The following GRIK2 variants were observed in gnomAD, a reference collection of about 807,000 sequenced individuals.
GRIK2 encodes the protein glutamate ionotropic receptor kainate type subunit 2.
GRIK2 carries 32 observed loss-of-function variants against 100.3 expected under a neutral mutation model. The observed-to-expected ratio is 0.32, with a 90% CI of 0.24 to 0.43. The LOEUF is 0.43. Among genes scored for constraint, GRIK2 ranks in the 20% least tolerant of loss-of-function variants. The pLI is 1.00. For missense variants in GRIK2, 843 were observed against 1,114.9 expected (o/e 0.76, Z 3.47); for synonymous variants, 417 against 389.4 (o/e 1.07, Z -0.83).
intron 7 of GRIK2, among the ~76,000 whole-genome samples, chr6:101,694,267 C>T (rs975770427): frequency 2.0e-5 from 3 of 152,036 alleles, no homozygotes; most frequent in African/African-American, 7.2e-5. Flanking sequence ...GGAAATACAA[C>T]ATGGTCAAGA....
rs536269216 is a variant in GRIK2, at chr6:101,814,460, A to G, written c.1204-3910A>G. ...AATTGAAATAAAAACAGTTATTTTT[A>G]TCAATAACACCATCTACAGTTAAAA... On this transcript the variant is annotated intron_variant, in intron 9 of 16. Transcript: ENST00000369134. Among the ~76,000 whole-genome samples, 4 of 152,244 alleles carry G rather than the reference A, an allele frequency of 2.6e-5. No individual in the cohort carries two copies. The South Asian group carries it at 8.3e-4, about 32-fold the overall frequency.
At position 101,984,614 on chromosome 6, in the gene GRIK2, AACACAC is replaced by A. The variant is rs10678285; in HGVS notation, c.2086-50690_2086-50685del. ...TTATATGTGCAGGAATACACATTAA[AACACAC>A]ACACACACACACACACACACACACA... On this transcript the variant is annotated intron_variant, in intron 14 of 16. Coordinates refer to ENST00000369134, the MANE Select transcript of GRIK2 (RefSeq NM_021956.5). Among the ~76,000 whole-genome samples, 978 of 129,232 alleles carry A rather than the reference AACACAC, an allele frequency of 7.6e-3. 9 individuals carry two copies. The highest frequency in any genetic ancestry group is 0.022 in the African/African-American group (798 of 36,072). The allele number at this position is 129,232 out of a possible 152,430, so 84.8% of individuals were successfully genotyped here. A position where few individuals can be genotyped will look rare whatever the true frequency, so the allele number is the denominator to read the frequency against.
At chr6:101,456,154 A>G (rs1771001090) in intron 2 of GRIK2, among the ~76,000 whole-genome samples, 1 of 151,908 alleles carries the variant, frequency 6.6e-6, no homozygotes, top group Non-Finnish European at 1.5e-5. Flanking sequence ...AGGATGCTGA[A>G]AGGCATATGT....
At chr6:101,613,849 A>G (rs527670524) in intron 2 of GRIK2, among the ~76,000 whole-genome samples, 95 of 151,900 alleles carry the variant, frequency 6.3e-4, no homozygotes, top group African/African-American at 1.7e-3. Flanking sequence ...GGCTAGATGA[A>G]AGAAACGCAG....
intron 2 of GRIK2, among the ~76,000 whole-genome samples, chr6:101,588,828 A>C (rs1018411716): frequency 2.0e-5 from 3 of 152,094 alleles, no homozygotes; most frequent in Non-Finnish European, 4.4e-5. Flanking sequence ...AAGTATAATA[A>C]AAATATGTAT....
chr6:101,762,913 A>T (rs1231224301), intron 7 of GRIK2, among the ~76,000 whole-genome samples: 1 of 152,122 alleles, frequency 6.6e-6, no homozygotes, highest in East Asian at 1.9e-4. Context: ...TTTTGCTGAG[A>T]CACTTCTTTG....
chr6:101,757,426 G>A (rs972762618), intron 7 of GRIK2, among the ~76,000 whole-genome samples: 1 of 152,126 alleles, frequency 6.6e-6, no homozygotes, highest in Non-Finnish European at 1.5e-5. Flanking sequence ...TATACATAGT[G>A]ATAATAATAA....
chr6:102,045,546 T>C (rs1272788720), intron 15 of GRIK2, among the ~76,000 whole-genome samples: 1 of 152,068 alleles, frequency 6.6e-6, no homozygotes, highest in Non-Finnish European at 1.5e-5. Flanking sequence ...AATGACACTG[T>C]TCATGTAGAA....
intron 14 of GRIK2, among the ~76,000 whole-genome samples, chr6:101,941,134 T>G (rs1261567469): frequency 6.6e-6 from 1 of 152,100 alleles, no homozygotes; most frequent in Non-Finnish European, 1.5e-5. Flanking sequence ...TAAATTACAA[T>G]TATAACTATC....
chr6:101,809,861 G>C (rs2128417981), intron 9 of GRIK2, among the ~76,000 whole-genome samples: 1 of 152,014 alleles, frequency 6.6e-6, no homozygotes, highest in Non-Finnish European at 1.5e-5. Flanking sequence ...GTGTCAGTGT[G>C]TATAGTTATT....
At chr6:101,730,819 T>A (rs549303916) in intron 7 of GRIK2, among the ~76,000 whole-genome samples, 34 of 149,570 alleles carry the variant, frequency 2.3e-4, no homozygotes, top group East Asian at 1.6e-3. Context: ...GATTTTTTTT[T>A]AAAAATGAGA....
intron 11 of GRIK2, among the ~76,000 whole-genome samples, chr6:101,872,533 C>G: frequency 6.6e-6 from 1 of 151,822 alleles, no homozygotes; most frequent in East Asian, 2.0e-4. Flanking sequence ...TCCCACTCAC[C>G]GAACATGGGC....
At chr6:101,427,838 G>T (rs2852525) in intron 2 of GRIK2, among the ~76,000 whole-genome samples, 95,866 of 152,014 alleles carry the variant, frequency 0.63, 31,195 homozygotes, top group East Asian at 0.93. Context: ...TTCATTCACT[G>T]AATAAATGCT....
In GRIK2 at chr6:101,459,901, G is replaced by A. The variant is rs144434228; in HGVS notation, c.115+60509G>A. ...TTCTCAAGTAGCTGGGATTACAGGCGCCCACCACCACGCCCAGCTAATTTT... is the reference window on the plus strand; with the variant it reads ...TTCTCAAGTAGCTGGGATTACAGGCACCCACCACCACGCCCAGCTAATTTT... On this transcript the variant is annotated intron_variant, in intron 2 of 16. Transcript: ENST00000369134. 5.0e-3 allele frequency among the ~76,000 whole-genome samples: 757 copies of A among 151,836 alleles called. 7 individuals are homozygous for A. The highest frequency in any genetic ancestry group is 0.017 in the African/African-American group (724 of 41,418).
intron 7 of GRIK2, among the ~76,000 whole-genome samples, chr6:101,701,313 T>C (rs1404822993): frequency 2.0e-5 from 3 of 152,090 alleles, no homozygotes; most frequent in African/African-American, 7.2e-5. Flanking sequence ...TTTAGTGCCC[T>C]TGTTTCTCAG....
chr6:101,900,579 T>TAA (rs1365632731), intron 12 of GRIK2, among the ~76,000 whole-genome samples: 1 of 152,170 alleles, frequency 6.6e-6, no homozygotes, highest in Non-Finnish European at 1.5e-5. Context: ...TGCATATATA[T>TAA]AATTTTAAAA....
At chr6:101,528,516 A>C (rs1274386939) in intron 2 of GRIK2, among the ~76,000 whole-genome samples, 1 of 152,080 alleles carries the variant, frequency 6.6e-6, no homozygotes. Context: ...AGGAACTGTG[A>C]AACTCTATTA....
At chr6:101,948,829 A>G (rs2128478250) in intron 14 of GRIK2, among the ~76,000 whole-genome samples, 1 of 152,176 alleles carries the variant, frequency 6.6e-6, no homozygotes, top group East Asian at 1.9e-4. Context: ...TTATTTATTA[A>G]AGAAAGTAAA....
intron 14 of GRIK2, among the ~76,000 whole-genome samples, chr6:101,929,906 A>G (rs1790149839): frequency 2.6e-5 from 4 of 152,198 alleles, no homozygotes; most frequent in Admixed American, 6.5e-5. Flanking sequence ...GAATAATCAA[A>G]TATAAGCAAA....
Sources: allele counts gnomAD v4.1 joint callset (sites outside exome capture counted in the v4.1 genomes callset), GRCh38; gene constraint gnomAD v4.1.1; transcripts MANE v1.5; gene names NCBI Gene and HGNC (gene_info 2026-07-23, HGNC 2026-07-21).